ZNF536: variants seen among roughly 807,000 people sequenced by gnomAD.
The protein encoded by ZNF536 is zinc finger protein 536.
Under a neutral mutation model 84.5 loss-of-function variants are expected in ZNF536, and 13 were observed. That is an observed-to-expected ratio of 0.15 (90% CI 0.10 to 0.24). The LOEUF is 0.24. Ranked by LOEUF, ZNF536 falls within the 10% of genes least tolerant of loss-of-function variation. The pLI, the probability that ZNF536 is intolerant of heterozygous loss-of-function variation, is 1.00. For synonymous variants in ZNF536, 811 were observed against 742.5 expected (o/e 1.09, Z -1.50); for missense variants, 1,536 against 1,747.5 (o/e 0.88, Z 2.16).
At position 30,236,620 on chromosome 19, in the gene ZNF536, T is replaced by C. The variant is rs1277936936; in HGVS notation, c.-190+7947T>C. The stretch of plus-strand genomic sequence containing the variant: ...AGTACAGACAAGATAACATGAACAT[T>C]TCCATCATCTAAAAATGGATTAAGG... On this transcript the variant is annotated intron_variant, in intron 1 of 5. Coordinates refer to the ZNF536 transcript ENST00000585628. 2.6e-5 allele frequency among the ~76,000 whole-genome samples: 4 copies of C among 152,276 alleles called. No individual in the cohort carries two copies. The East Asian group carries it at 7.7e-4, about 29-fold the overall frequency.
chr19:30,591,034 G>A lies in ZNF536; in HGVS notation c.169+41520G>A, dbSNP rs989353004. Among the ~76,000 whole-genome samples the A allele has an allele frequency of 2.6e-5, 4 of 152,242 alleles. No individual in the cohort carries two copies. The South Asian group carries it at 8.3e-4, about 32-fold the overall frequency. On this transcript the variant is annotated intron_variant, in intron 1 of 1. Coordinates refer to the ZNF536 transcript ENST00000592773. ...TGGTTGGGAGAGCCCAGCACAGCTG[G>A]CCTGCTTCCCAGACTGTTGGATCAA...
At chr19:30,688,124 T>A (rs1183953511) in intron 1 of ZNF536, among the ~76,000 whole-genome samples, 1 of 151,978 alleles carries the variant, frequency 6.6e-6, no homozygotes, top group Non-Finnish European at 1.5e-5. Flanking sequence ...ATTGGAGGGC[T>A]GAGCCCCACC....
At chr19:30,619,997 C>T (rs1004510783) in intron 1 of ZNF536, among the ~76,000 whole-genome samples, 1 of 150,082 alleles carries the variant, frequency 6.7e-6, no homozygotes, top group Non-Finnish European at 1.5e-5. Context: ...TGCTGCCCCA[C>T]CATCTCCCTT....
chr19:30,427,553 G>GATGTATCTC (rs2051269870), intron 1 of ZNF536, among the ~76,000 whole-genome samples: 1 of 152,186 alleles, frequency 6.6e-6, no homozygotes, highest in Non-Finnish European at 1.5e-5. Flanking sequence ...GTTGGCTGTA[G>GATGTATCTC]ATGTATCTCA....
chr19:30,560,903 C>T (rs2046140314), downstream of ZNF536, among the ~76,000 whole-genome samples: 1 of 152,228 alleles, frequency 6.6e-6, no homozygotes, highest in African/African-American at 2.4e-5. Flanking sequence ...GATTCTGCCT[C>T]TGGAGCAAGG....
chr19:30,654,159 T>C (rs2049816224), intron 1 of ZNF536, among the ~76,000 whole-genome samples: 1 of 152,164 alleles, frequency 6.6e-6, no homozygotes, highest in South Asian at 2.1e-4. Flanking sequence ...CCCTGGCTGC[T>C]ACCTGGCAGC....
chr19:30,318,238 G>C (rs1211212421), intron 2 of ZNF536, among the ~76,000 whole-genome samples: 1 of 152,196 alleles, frequency 6.6e-6, no homozygotes. Context: ...ACTGTGCTGT[G>C]CCCAGAACTG....
chr19:30,574,864 C>T (rs1293440586), intron 1 of ZNF536, among the ~76,000 whole-genome samples: 2 of 152,132 alleles, frequency 1.3e-5, no homozygotes, highest in East Asian at 3.9e-4. Context: ...CTGCTAAATC[C>T]TATTCGATTT....
chr19:30,378,783 A>G (rs1187168264), intron 1 of ZNF536, among the ~76,000 whole-genome samples: 1 of 152,222 alleles, frequency 6.6e-6, no homozygotes, highest in Non-Finnish European at 1.5e-5. Flanking sequence ...TGAAACCTTG[A>G]GTGCCCCTTA....
chr19:30,675,195 G>A (rs544128650), intron 1 of ZNF536, among the ~76,000 whole-genome samples: 2 of 152,274 alleles, frequency 1.3e-5, no homozygotes, highest in South Asian at 4.1e-4. Context: ...GGCTTTGGGG[G>A]CCATTAGACA....
intron 1 of ZNF536, among the ~76,000 whole-genome samples, chr19:30,579,844 T>C (rs761693298): frequency 2.0e-5 from 3 of 152,204 alleles, no homozygotes; most frequent in Non-Finnish European, 2.9e-5. Context: ...GTTTTTCTGG[T>C]ATGCTCTGAG....
intron 1 of ZNF536, among the ~76,000 whole-genome samples, chr19:30,691,336 G>A (rs1323769283): frequency 6.6e-6 from 1 of 152,086 alleles, no homozygotes; most frequent in Non-Finnish European, 1.5e-5. Flanking sequence ...GGACAAGCCC[G>A]TCCCCGCTCG....
chr19:30,378,066 G>A (rs2048885016), intron 1 of ZNF536, among the ~76,000 whole-genome samples: 1 of 152,200 alleles, frequency 6.6e-6, no homozygotes, highest in African/African-American at 2.4e-5. Flanking sequence ...TGGTCTGAGA[G>A]TCCCTGTGCT....
At chr19:30,566,430 A>G (rs1415962552) in intron 1 of ZNF536, among the ~76,000 whole-genome samples, 1 of 152,278 alleles carries the variant, frequency 6.6e-6, no homozygotes, top group African/African-American at 2.4e-5. Context: ...TAAGCTCTGT[A>G]CAGATGAGAG....
At chr19:30,466,629 C>A (rs988296913) in intron 2 of ZNF536, among the ~76,000 whole-genome samples, 1 of 146,106 alleles carries the variant, frequency 6.8e-6, no homozygotes, top group African/African-American at 2.6e-5. Flanking sequence ...ACCATTTTAA[C>A]TGTTTTTTTT....
At chr19:30,510,102 G>A (rs1230616064) in intron 2 of ZNF536, among the ~76,000 whole-genome samples, 1 of 152,086 alleles carries the variant, frequency 6.6e-6, no homozygotes, top group Non-Finnish European at 1.5e-5. Flanking sequence ...TCATATCACC[G>A]AAACTTCAGC....
chr19:30,659,920 TCA>T (rs1200021797), intron 1 of ZNF536, among the ~76,000 whole-genome samples: 6 of 152,096 alleles, frequency 3.9e-5, no homozygotes, highest in African/African-American at 1.4e-4. Context: ...CTGATTATGT[TCA>T]GTCTTTGCTC....
At chr19:30,628,207 A>C (rs546429075) in intron 1 of ZNF536, among the ~76,000 whole-genome samples, 1 of 152,264 alleles carries the variant, frequency 6.6e-6, no homozygotes, top group Non-Finnish European at 1.5e-5. Flanking sequence ...AACAGGGCTA[A>C]TCCTTGCCTT....
chr19:30,620,557 C>T (rs575574026), intron 1 of ZNF536, among the ~76,000 whole-genome samples: 2 of 152,106 alleles, frequency 1.3e-5, no homozygotes, highest in Admixed American at 6.5e-5. Flanking sequence ...TGGGCACCCT[C>T]CCTCCTCTGA....
Sources: allele counts gnomAD v4.1 joint callset (sites outside exome capture counted in the v4.1 genomes callset), GRCh38; gene constraint gnomAD v4.1.1; transcripts MANE v1.5; gene names NCBI Gene and HGNC (gene_info 2026-07-23, HGNC 2026-07-21).